KIF21A: variants seen among roughly 807,000 people sequenced by gnomAD.
KIF21A encodes kinesin family member 21A.
Under a neutral mutation model 202.9 loss-of-function variants are expected in KIF21A, and 114 were observed. The ratio of observed to expected loss-of-function variants is 0.56; its 90% CI spans 0.48 to 0.66. The LOEUF (loss-of-function observed/expected upper bound fraction) is 0.66. KIF21A is among the 30% of genes least tolerant of loss of function. The pLI, the probability that KIF21A is intolerant of heterozygous loss-of-function variation, is 0.00. For synonymous variants in KIF21A, 667 were observed against 670.8 expected, an observed-to-expected ratio of 0.99 and a Z score of 0.09; for missense variants, 1,677 against 1,994.9, an observed-to-expected ratio of 0.84 and a Z score of 3.04.
At chr12:39,401,674 G>C (rs1051475018) in intron 1 of KIF21A, among the ~76,000 whole-genome samples, 2 of 152,132 alleles carry the variant, frequency 1.3e-5, no homozygotes, top group Non-Finnish European at 2.9e-5. Flanking sequence ...CAAAACCAGT[G>C]CCCAGAACAT....
rs561980058 is a variant in KIF21A, at chr12:39,372,026, A to T, written c.45-1765T>A. Among the ~76,000 whole-genome samples the T allele has an allele frequency of 6.7e-5, 10 of 148,826 alleles. No homozygotes were observed. The South Asian group carries it at 2.1e-3, about 31-fold the overall frequency. ...TCTGGTCTCATAGCCTTATTTTGTG[A>T]AATTTAAAAAAAAAAAAAACTCAGG... On this transcript the variant is annotated intron_variant, in intron 1 of 37. Transcript: ENST00000361418.
At chr12:39,439,275 T>G (rs971322756) in intron 1 of KIF21A, among the ~76,000 whole-genome samples, 1 of 152,190 alleles carries the variant, frequency 6.6e-6, no homozygotes, top group Non-Finnish European at 1.5e-5. Flanking sequence ...CATTTTTAAG[T>G]TATAGTGCAG....
chr12:39,309,110 G>A (rs1359046003), intron 33 of KIF21A, among the ~76,000 whole-genome samples: 1 of 152,068 alleles, frequency 6.6e-6, no homozygotes, highest in African/African-American at 2.4e-5. Context: ...TATGAAATTT[G>A]TACTCACACC....
rs767779686 is a variant in KIF21A, at chr12:39,319,980, A to C, written c.3705T>G (p.Ile1235Met). ...TCCTTGTTACAGGAGAAGGCTCTGG[A>C]ATTTTTTTTTCTGATAGAGATGACT... ...SRQSSLSEKK[I>M]PEPSPVTRRK... is the part of the protein sequence containing the mutation. The change falls in exon 28 of 38, where the codon ATT becomes ATG. Residue 1235 changes from isoleucine (I) to methionine (M), a missense_variant. Around this residue, in one of 3 missense-constraint regions of KIF21A, gnomAD observed 705 missense variants for 791.9 expected, o/e 0.89. Transcript: ENST00000361418. The C allele has an allele frequency of 3.7e-6, 6 of 1,608,090 alleles. No homozygotes were observed. The highest frequency in any genetic ancestry group is 5.1e-6 in the Non-Finnish European group (6 of 1,176,166).
At chr12:39,434,506 C>T (rs1938403339) in intron 1 of KIF21A, among the ~76,000 whole-genome samples, 1 of 152,186 alleles carries the variant, frequency 6.6e-6, no homozygotes, top group Non-Finnish European at 1.5e-5. Flanking sequence ...CAAGTGCTTT[C>T]ACATGGTTGT....
chr12:39,431,062 G>A (rs567735542), intron 1 of KIF21A, among the ~76,000 whole-genome samples: 1 of 152,302 alleles, frequency 6.6e-6, no homozygotes, highest in Non-Finnish European at 1.5e-5. Context: ...GGAAATCACA[G>A]CTTCTAGATC....
intron 12 of KIF21A, among the ~76,000 whole-genome samples, chr12:39,345,835 G>A (rs180792031): frequency 8.5e-4 from 129 of 151,716 alleles, no homozygotes; most frequent in Admixed American, 1.8e-3. Context: ...AATTTTGCTC[G>A]TTTCAAATGA....
intron 1 of KIF21A, among the ~76,000 whole-genome samples, chr12:39,404,406 T>G (rs1483851852): frequency 2.6e-5 from 4 of 152,326 alleles, no homozygotes; most frequent in Non-Finnish European, 4.4e-5. Flanking sequence ...GAATAATTAC[T>G]GCATTTTCCA....
At chr12:39,331,518 T>C (rs1473278959) in intron 22 of KIF21A, among the ~76,000 whole-genome samples, 172 bp downstream of exon 22, 1 of 152,224 alleles carries the variant, frequency 6.6e-6, no homozygotes, top group Non-Finnish European at 1.5e-5. Flanking sequence ...ATGAAATTGA[T>C]CTAAATATTT....
At position 39,347,805 on chromosome 12, in the gene KIF21A, C is replaced by T. The variant is rs190388730; in HGVS notation, c.1674-1301G>A. On this transcript the variant is annotated intron_variant, in intron 11 of 37. Transcript: ENST00000361418. Reference sequence around the variant, plus strand: ...CAACCCAACACCACTAAATACAAATCAGTGCAGTCTGATCGATGAGTGAAG... The same window carrying T: ...CAACCCAACACCACTAAATACAAATTAGTGCAGTCTGATCGATGAGTGAAG... 3.7e-3 allele frequency among the ~76,000 whole-genome samples: 565 copies of T among 152,170 alleles called. 3 individuals are homozygous for T. Among genetic ancestry groups the T allele is most frequent in the South Asian group, 8.7e-3 (42 of 4,832 alleles).
chr12:39,399,438 CTAAA>C (rs1218790705), intron 1 of KIF21A, among the ~76,000 whole-genome samples: 2 of 152,096 alleles, frequency 1.3e-5, no homozygotes, highest in Non-Finnish European at 2.9e-5. Flanking sequence ...GTATCTATCC[CTAAA>C]TAGAGACAGA....
chr12:39,382,286 A>G (rs1456325581), intron 1 of KIF21A, among the ~76,000 whole-genome samples: 1 of 152,224 alleles, frequency 6.6e-6, no homozygotes, highest in Non-Finnish European at 1.5e-5. Flanking sequence ...TTAAGAAAAG[A>G]TAATTTGGTG....
At chr12:39,415,133 T>C (rs1953443090) in intron 1 of KIF21A, among the ~76,000 whole-genome samples, 1 of 151,810 alleles carries the variant, frequency 6.6e-6, no homozygotes, top group African/African-American at 2.4e-5. Context: ...ACTGAGTTCC[T>C]GGCCTTTCCT....
chr12:39,385,343 C>A (rs979488826), intron 1 of KIF21A, among the ~76,000 whole-genome samples: 4 of 152,148 alleles, frequency 2.6e-5, no homozygotes, highest in Middle Eastern at 3.4e-3. Flanking sequence ...TATCAGATAT[C>A]TTTTAATTCA....
At position 39,308,416 on chromosome 12, in the gene KIF21A, G is replaced by A. The variant is rs954397361; in HGVS notation, c.4278-687C>T. ...AAAAAAAAAAATCAACAAATGATAC[G>A]TTGCCACAAAAGTAATTTATTTTCC... On this transcript the variant is annotated intron_variant, in intron 33 of 37. Transcript: ENST00000361418. 1.5e-4 allele frequency among the ~76,000 whole-genome samples: 22 copies of A among 151,226 alleles called. No homozygotes were observed. In the East Asian group the frequency reaches 1.7e-3, roughly 12 times the overall value.
intron 5 of KIF21A, 69 bp from the exon 6 acceptor site, chr12:39,366,586 G>A (rs1194277364): frequency 8.4e-7 from 1 of 1,196,122 alleles, no homozygotes; most frequent in Non-Finnish European, 1.2e-6. Flanking sequence ...AACCTACCTT[G>A]CGCTTATCCC....
At chr12:39,368,285 T>C (rs1194742233) in intron 3 of KIF21A, among the ~76,000 whole-genome samples, 1 of 152,178 alleles carries the variant, frequency 6.6e-6, no homozygotes, top group Non-Finnish European at 1.5e-5. Context: ...GCTAAAATGA[T>C]CTACTAATCC....
chr12:39,359,005 T>C (rs1014386695), intron 7 of KIF21A, among the ~76,000 whole-genome samples: 1 of 152,168 alleles, frequency 6.6e-6, no homozygotes, highest in Non-Finnish European at 1.5e-5. Context: ...ATTATGTTTG[T>C]ATGTTATGTT....
intron 3 of KIF21A, among the ~76,000 whole-genome samples, chr12:39,369,374 C>T (rs1254866380): frequency 6.6e-6 from 1 of 152,122 alleles, no homozygotes; most frequent in Non-Finnish European, 1.5e-5. Context: ...GCACAAGAAT[C>T]ACTTGAACCC....
Sources: gnomAD v4.1 joint callset for allele counts (sites outside exome capture counted in the v4.1 genomes callset) on GRCh38, gnomAD v4.1.1 for gene constraint, gnomAD v4.1.1 regional missense constraint, MANE v1.5 for transcripts, NCBI Gene and HGNC (gene_info 2026-07-23, HGNC 2026-07-21) for gene names.